The following LIPA variants were observed in gnomAD, a reference collection of about 807,000 sequenced individuals.
LIPA encodes lysosomal acid lipase/cholesteryl ester hydrolase.
In LIPA, 26 loss-of-function variants were observed where a neutral mutation model predicts 40.6. That is an observed-to-expected ratio of 0.64 (90% CI 0.47 to 0.89). The LOEUF is 0.89. Ranked by LOEUF, LIPA falls within the 40% of genes least tolerant of loss-of-function variation. The probability of loss-of-function intolerance (pLI) is 0.00; values close to 1 mark genes in which losing one functional copy is unlikely to be tolerated. For synonymous variants in LIPA, 188 were observed against 168.4 expected (o/e 1.12, Z -0.90); for missense variants, 455 against 479.6 (o/e 0.95, Z 0.48).
intron 1 of LIPA, among the ~76,000 whole-genome samples, chr10:89,249,117 G>A (rs944018435): frequency 4.6e-5 from 7 of 151,970 alleles, no homozygotes; most frequent in Admixed American, 1.3e-4. Context: ...CAAATTATAC[G>A]TCAGCATTTA....
chr10:89,251,700 C>CTCGCACCTGGCAGCG, intron 1 of LIPA, 37 bp downstream of exon 1: 1 of 152,446 alleles, frequency 6.6e-6, no homozygotes, highest in Non-Finnish European at 1.5e-5. Flanking sequence ...CCACGCCGCA[C>CTCGCACCTGGCAGCG]CCGCACCTGG....
intron 3 of LIPA, among the ~76,000 whole-genome samples, chr10:89,243,915 A>C (rs922338027): frequency 2.0e-5 from 3 of 152,222 alleles, no homozygotes; most frequent in African/African-American, 7.2e-5. Flanking sequence ...TATAATTTTA[A>C]GAAAAATAAT....
chr10:89,388,493 A>G (rs1329401952), intron 2 of LIPA, among the ~76,000 whole-genome samples: 1 of 149,198 alleles, frequency 6.7e-6, no homozygotes, highest in African/African-American at 2.4e-5. Flanking sequence ...TGTATTATAT[A>G]ATAGATCACA....
chr10:89,383,653 G>C (rs1564804247), intron 2 of LIPA: 1 of 1,614,258 alleles, frequency 6.2e-7, no homozygotes, highest in East Asian at 2.2e-5. Flanking sequence ...ATTGGCAGAA[G>C]CCCAGACTTA....
intron 2 of LIPA, among the ~76,000 whole-genome samples, chr10:89,356,930 A>C (rs554499419): frequency 4.6e-5 from 7 of 152,094 alleles, no homozygotes; most frequent in Non-Finnish European, 1.0e-4. Flanking sequence ...GCCACTGGTG[A>C]CTGAACTCAC....
chr10:89,414,654 C>T, upstream of LIPA: 1 of 804,384 alleles, frequency 1.2e-6, no homozygotes, highest in South Asian at 2.1e-5. Context: ...AGACACGCCG[C>T]GCGGCCGAGT....
At position 89,319,623 on chromosome 10, in the gene LIPA, T is replaced by C. The variant is rs189636432; in HGVS notation, c.-2+22988A>G. Among the ~76,000 whole-genome samples, 356 of 152,328 alleles carry C rather than the reference T, an allele frequency of 2.3e-3. 3 individuals are homozygous for C. Among genetic ancestry groups the C allele is most frequent in the African/African-American group, 8.3e-3 (345 of 41,566 alleles). On this transcript the variant is annotated intron_variant, in intron 1 of 5. Coordinates refer to the LIPA transcript ENST00000282673. ...ACCAGATGGATTCACAACTGAATTC[T>C]ACCAGAGGTACAAAGACGAGCTGGT...
intron 2 of LIPA, among the ~76,000 whole-genome samples, chr10:89,360,179 G>T (rs1168864311): frequency 6.6e-6 from 1 of 152,090 alleles, no homozygotes; most frequent in Non-Finnish European, 1.5e-5. Context: ...AAAGAAATAG[G>T]AACCTGGAGG....
chr10:89,228,820 A>T (rs1224157232), intron 3 of LIPA, among the ~76,000 whole-genome samples: 1 of 152,274 alleles, frequency 6.6e-6, no homozygotes, highest in African/African-American at 2.4e-5. Flanking sequence ...CTATACACGT[A>T]TCAGAATGAG....
chr10:89,267,216 G>T (rs1843240920), intron 1 of LIPA, among the ~76,000 whole-genome samples: 2 of 152,294 alleles, frequency 1.3e-5, no homozygotes, highest in South Asian at 4.2e-4. Context: ...CAGCTGATTT[G>T]CAAACAGACT....
upstream of LIPA, among the ~76,000 whole-genome samples, chr10:89,347,393 T>C (rs139284917): frequency 9.6e-3 from 1,457 of 152,348 alleles, 11 homozygotes; most frequent in Middle Eastern, 0.024. Context: ...CTCCATCATT[T>C]GCATAAACAG....
intron 2 of LIPA, chr10:89,384,004 G>C: frequency 2.5e-6 from 4 of 1,614,214 alleles, no homozygotes; most frequent in Non-Finnish European, 3.4e-6. Context: ...TCAGGATGAA[G>C]GACAGGAAGC....
At chr10:89,245,355 A>C (rs1025194257) in intron 3 of LIPA, among the ~76,000 whole-genome samples, 4 of 152,214 alleles carry the variant, frequency 2.6e-5, no homozygotes, top group African/African-American at 9.6e-5. Flanking sequence ...GAATTCAAAA[A>C]AATTAAATAA....
At chr10:89,306,197 A>T in intron 1 of LIPA, 1 of 1,614,196 alleles carries the variant, frequency 6.2e-7, no homozygotes, top group Non-Finnish European at 8.5e-7. Context: ...TGAAGAGTTA[A>T]TCCAGCAAGA....
intron 2 of LIPA, among the ~76,000 whole-genome samples, chr10:89,385,949 T>G (rs2133606278): frequency 6.6e-6 from 1 of 152,316 alleles, no homozygotes; most frequent in Middle Eastern, 3.4e-3. Flanking sequence ...AATAGAAAAA[T>G]GTAGAACCAA....
chr10:89,247,674 T>A (rs1202699641), intron 1 of LIPA, 25 bp from the exon 2 acceptor site: 2 of 1,495,300 alleles, frequency 1.3e-6, no homozygotes, highest in Non-Finnish European at 1.9e-6. Context: ...AGTCTATTAT[T>A]ATTTGCTTGA....
chr10:89,275,882 G>A (rs1269930117), intron 1 of LIPA, among the ~76,000 whole-genome samples: 1 of 152,164 alleles, frequency 6.6e-6, no homozygotes, highest in Non-Finnish European at 1.5e-5. Context: ...TATACCAGAT[G>A]CTTCATAAAT....
At chr10:89,335,684 C>G (rs1843726686) in intron 1 of LIPA, 1 of 10,998 alleles carries the variant, frequency 9.1e-5, no homozygotes, top group South Asian at 6.3e-3. Flanking sequence ...CTATTAATTA[C>G]TAGTGTTCAG....
chr10:89,275,584 A>G (rs1372526789), intron 1 of LIPA, among the ~76,000 whole-genome samples: 1 of 152,160 alleles, frequency 6.6e-6, no homozygotes, highest in Non-Finnish European at 1.5e-5. Flanking sequence ...AGCTCCCACA[A>G]TTGCATAAGA....
Sources: allele counts gnomAD v4.1 joint callset (sites outside exome capture counted in the v4.1 genomes callset), GRCh38; gene constraint gnomAD v4.1.1; transcripts MANE v1.5; gene names NCBI Gene and HGNC (gene_info 2026-07-23, HGNC 2026-07-21).